The following KDM8 variants were observed in gnomAD, a reference collection of about 807,000 sequenced individuals.
KDM8 encodes bifunctional peptidase and arginyl-hydroxylase JMJD5.
Under a neutral mutation model 46.9 loss-of-function variants are expected in KDM8, and 35 were observed. The observed-to-expected ratio is 0.75, with a 90% CI of 0.57 to 0.99. The LOEUF (loss-of-function observed/expected upper bound fraction) is 0.99, where lower values mean the gene tolerates loss of function less well. Ranked by LOEUF, KDM8 falls within the 50% of genes least tolerant of loss-of-function variation. The pLI, the probability that KDM8 is intolerant of heterozygous loss-of-function variation, is 0.00. For missense variants in KDM8, 475 were observed against 537.0 expected (o/e 0.88, Z 1.14); for synonymous variants, 232 against 227.7 (o/e 1.02, Z -0.17).
intron 2 of KDM8, chr16:27,211,115 T>TTC (rs761343368): frequency 1.3e-5 from 6 of 451,986 alleles, no homozygotes; most frequent in African/African-American, 4.2e-5. Context: ...TCCATTCATT[T>TTC]TCTCTCTTTT....
At chr16:27,219,637 G>A (rs2083595824) in intron 6 of KDM8, among the ~76,000 whole-genome samples, 2 of 152,248 alleles carry the variant, frequency 1.3e-5, no homozygotes, top group Admixed American at 1.3e-4. Context: ...GACCAGTCCA[G>A]AGAGGCAGCC....
chr16:27,210,485 G>A lies in KDM8; in HGVS notation c.362G>A (p.Arg121Gln), dbSNP rs371854540. ...GCCAACACTGTGGCCGCAGCCCTGC[G>A]GGTCTGTGACATGGGCCTGCTGATG... is the stretch of plus-strand genomic sequence containing the variant. ...EDANTVAAAL[R>Q]VCDMGLLMGA... Residue 121 changes from arginine to glutamine, a missense_variant, in exon 2 of 8, where the codon CGG becomes CAG. Physicochemically the swap from Arg to Gln is conservative, Grantham distance 43. Coordinates refer to ENST00000286096, the MANE Select transcript of KDM8 (RefSeq NM_024773.3). 1.9e-5 allele frequency: 30 copies of A among 1,577,962 alleles called. No homozygotes were observed. Among genetic ancestry groups the A allele is most frequent in the Non-Finnish European group, 2.2e-5 (26 of 1,157,972 alleles).
chr16:27,219,110 G>A lies in KDM8; in HGVS notation c.993G>A (p.Gln331=), dbSNP rs949467975. 1.2e-6 allele frequency: 2 copies of A among 1,603,826 alleles called. No individual in the cohort carries two copies. The highest frequency in any genetic ancestry group is 2.7e-5 in the African/African-American group (2 of 74,714). ...ATCCCCAGCAAAACTTCCTAGTGCA[G>A]GTTGGAGCTGCAGCTGGAATAGTGG... The part of the protein sequence containing the change: ...HQDPQQNFLV[Q]VMGRKYIRLY... The change falls in exon 6 of 8, where the codon CAG becomes CAA. Residue 331 remains glutamine, a splice_region_variant and synonymous_variant. Coordinates refer to ENST00000286096, the MANE Select transcript of KDM8 (RefSeq NM_024773.3).
intron 5 of KDM8, among the ~76,000 whole-genome samples, chr16:27,216,511 G>A (rs955572688): frequency 6.6e-5 from 10 of 152,178 alleles, no homozygotes; most frequent in Non-Finnish European, 1.2e-4. Context: ...TGCGTGTCCC[G>A]AACGTGGAAG....
intron 2 of KDM8, chr16:27,211,244 G>C (rs908664194): frequency 4.5e-6 from 2 of 444,824 alleles, no homozygotes; most frequent in Admixed American, 5.1e-5. Context: ...GCCAGCGGCA[G>C]CCCGTTTCTT....
chr16:27,217,476 AAGC>A (rs1327314037), intron 5 of KDM8, among the ~76,000 whole-genome samples: 8 of 152,202 alleles, frequency 5.3e-5, no homozygotes, highest in Admixed American at 5.2e-4. Flanking sequence ...TTCTGGTCAA[AAGC>A]AGCAGCGTCG....
At position 27,221,399 on chromosome 16, in the gene KDM8, G is replaced by T; in HGVS notation, c.*669G>T. ...GCGCAGGAGCCGGGACCCCTGCTGA[G>T]CAGTGGGAGCTTTCTGTCATCCCCA... On this transcript the variant is annotated 3_prime_UTR_variant, in exon 8 of 8. Coordinates refer to ENST00000286096, the MANE Select transcript of KDM8 (RefSeq NM_024773.3). 1 of 160,638 alleles carries T rather than the reference G, an allele frequency of 6.2e-6. No homozygotes were observed. The highest frequency in any genetic ancestry group is 1.7e-4 in the South Asian group (1 of 5,854). The allele number at this position is 160,638 out of a possible 1,614,324, so 10.0% of individuals were successfully genotyped here.
intron 6 of KDM8, 118 bp downstream of exon 6, chr16:27,219,228 G>C: frequency 8.8e-7 from 1 of 1,131,540 alleles, no homozygotes; most frequent in Non-Finnish European, 1.2e-6. Context: ...GCACTGAAGG[G>C]GATGAGGACA....
At chr16:27,204,009 G>A (rs2083402242) in intron 1 of KDM8, 2 of 1,172,792 alleles carry the variant, frequency 1.7e-6, no homozygotes, top group South Asian at 2.7e-5. Context: ...TCTGCTATAT[G>A]TGTGTCCGCT....
chr16:27,210,111 T>C lies in KDM8; in HGVS notation c.-13T>C, dbSNP rs2083466000. ...TCCCCAGGCACGGGACTGAACCAGCTGGTGGTGGCCCGATGGCTGGAGACA... is the reference window on the plus strand; with the variant it reads ...TCCCCAGGCACGGGACTGAACCAGCCGGTGGTGGCCCGATGGCTGGAGACA... On this transcript the variant is annotated 5_prime_UTR_variant, in exon 2 of 8. Coordinates refer to ENST00000286096, the MANE Select transcript of KDM8 (RefSeq NM_024773.3). 1.2e-6 allele frequency: 2 copies of C among 1,608,952 alleles called. No individual in the cohort carries two copies. Among genetic ancestry groups the C allele is most frequent in the Admixed American group, 1.7e-5 (1 of 59,836 alleles).
At chr16:27,205,665 C>T (rs1297052760) in intron 1 of KDM8, among the ~76,000 whole-genome samples, 1 of 152,142 alleles carries the variant, frequency 6.6e-6, no homozygotes, top group Non-Finnish European at 1.5e-5. Flanking sequence ...GAGTGAAACC[C>T]CGTCTCTACT....
Position 27,218,949 on chromosome 16 carries a change from T to G in KDM8, c.844-12T>G. The stretch of plus-strand genomic sequence containing the variant: ...GGATCCCCACATCTCATGTCTGCTC[T>G]GCCGCCCACAGATCCCGGAGTTGAA... On this transcript the variant is annotated splice_polypyrimidine_tract_variant and intron_variant, in intron 5 of 7. Transcript: ENST00000286096. 6.2e-7 allele frequency: 1 copy of G among 1,614,022 alleles called. No individual in the cohort carries two copies. The highest frequency in any genetic ancestry group is 2.2e-5 in the East Asian group (1 of 44,888).
intron 5 of KDM8, 158 bp downstream of exon 5, chr16:27,216,147 C>G: frequency 1.4e-6 from 1 of 720,148 alleles, no homozygotes; most frequent in East Asian, 2.7e-5. Flanking sequence ...GAGCCATTTT[C>G]CTAAAGTGAC....
At chr16:27,214,699 T>C (rs2083527561) in intron 3 of KDM8, 177 bp from the exon 4 acceptor site, 2 of 659,468 alleles carry the variant, frequency 3.0e-6, no homozygotes, top group South Asian at 3.5e-5. Context: ...CACACAGCCT[T>C]GAGCAGGGAG....
At chr16:27,215,347 A>AG (rs1319910060) in intron 4 of KDM8, among the ~76,000 whole-genome samples, 2 of 152,216 alleles carry the variant, frequency 1.3e-5, no homozygotes, top group Admixed American at 6.5e-5. Flanking sequence ...TGGGAGGCTG[A>AG]GGCAGGCGGA....
chr16:27,206,897 T>A (rs1183981361), intron 1 of KDM8, among the ~76,000 whole-genome samples: 1 of 151,946 alleles, frequency 6.6e-6, no homozygotes, highest in Non-Finnish European at 1.5e-5. Flanking sequence ...AGCAAGAGAG[T>A]GTTTCCCCAG....
chr16:27,215,825 G>C, intron 4 of KDM8, 120 bp from the exon 5 acceptor site: 2 of 1,022,846 alleles, frequency 2.0e-6, no homozygotes, highest in East Asian at 2.4e-5. Context: ...GACCACTCAG[G>C]ATGGAGTGGA....
chr16:27,217,605 G>A (rs1033111023), intron 5 of KDM8, among the ~76,000 whole-genome samples: 1 of 152,222 alleles, frequency 6.6e-6, no homozygotes, highest in African/African-American at 2.4e-5. Flanking sequence ...TTTGAGACAG[G>A]TTCTTAAAGG....
chr16:27,210,227 T>C lies in KDM8; in HGVS notation c.104T>C (p.Leu35Ser). The C allele has an allele frequency of 6.2e-7, 1 of 1,613,290 alleles. No homozygotes were observed. Among genetic ancestry groups the C allele is most frequent in the Non-Finnish European group, 8.5e-7 (1 of 1,180,018 alleles). The change falls in exon 2 of 8, where the codon TTG becomes TCG. Residue 35 changes from leucine (L) to serine (S), a missense_variant. By Grantham distance (145) the Leu-to-Ser change is moderately radical (BLOSUM62 -2). Transcript: ENST00000286096. ...CCGCACAGTAAAGAAGACCTGAAGT[T>C]GGACCTCGGGGAGAAAGTGGAGAGG... ...LLPHSKEDLK[L>S]DLGEKVERSV...
Sources: allele counts gnomAD v4.1 joint callset (sites outside exome capture counted in the v4.1 genomes callset), GRCh38; gene constraint gnomAD v4.1.1; transcripts MANE v1.5; gene names NCBI Gene and HGNC (gene_info 2026-07-23, HGNC 2026-07-21).